Variants in WWP1 observed in about 807,000 individuals in gnomAD.
WWP1 encodes the protein NEDD4-like E3 ubiquitin-protein ligase WWP1.
In WWP1, 49 loss-of-function variants were observed where a neutral mutation model predicts 130.6. That is an observed-to-expected ratio of 0.38 (90% CI 0.30 to 0.48). The LOEUF (loss-of-function observed/expected upper bound fraction) is 0.48. Among genes scored for constraint, WWP1 ranks in the 20% least tolerant of loss-of-function variants. The pLI, the probability that WWP1 is intolerant of heterozygous loss-of-function variation, is 0.99. For missense variants in WWP1, 809 were observed against 1,100.6 expected (o/e 0.74, Z 3.75); for synonymous variants, 332 against 367.8 (o/e 0.90, Z 1.11).
Position 86,393,314 on chromosome 8 carries a change from C to A in WWP1, c.335-5028C>A, listed in dbSNP as rs571760198. Among the ~76,000 whole-genome samples the A allele has an allele frequency of 3.7e-3, 568 of 152,208 alleles. 3 individuals carry two copies. The highest frequency in any genetic ancestry group is 6.7e-3 in the Non-Finnish European group (454 of 68,022). On this transcript the variant is annotated intron_variant, in intron 5 of 24. Transcript: ENST00000517970. ...CTCCATCTCCCGGGTTGAAGCGATTCTCCTTGCCTCAACCTCCCCTCAAGG... is the reference window on the plus strand; with the variant it reads ...CTCCATCTCCCGGGTTGAAGCGATTATCCTTGCCTCAACCTCCCCTCAAGG...
intron 2 of WWP1, among the ~76,000 whole-genome samples, chr8:86,373,232 G>A (rs530889379): frequency 3.1e-4 from 47 of 151,960 alleles, no homozygotes; most frequent in Admixed American, 7.2e-4. Flanking sequence ...TTGAAATTTA[G>A]TGAGATTTTC....
At chr8:86,393,014 G>A (rs1807443482) in intron 5 of WWP1, among the ~76,000 whole-genome samples, 1 of 152,064 alleles carries the variant, frequency 6.6e-6, no homozygotes, top group Non-Finnish European at 1.5e-5. Context: ...AAAATGAGAA[G>A]TTTTATTATC....
intron 8 of WWP1, among the ~76,000 whole-genome samples, chr8:86,409,150 A>T (rs1160422922): frequency 6.6e-6 from 1 of 151,754 alleles, no homozygotes; most frequent in African/African-American, 2.4e-5. Flanking sequence ...AAATATAATC[A>T]ATACTGAATT....
In WWP1 at chr8:86,451,397, C is replaced by T. The variant is rs186084266; in HGVS notation, c.2274-1162C>T. On this transcript the variant is annotated intron_variant, in intron 20 of 24. Transcript: ENST00000517970. ...CAGTGATAGCTAGGTTTAAAATTAC[C>T]TTGGTTTACAATTTGGTTGAATAGA... Among the ~76,000 whole-genome samples the T allele has an allele frequency of 1.5e-3, 231 of 152,052 alleles. 2 individuals carry two copies. The highest frequency in any genetic ancestry group is 1.0e-4 in the Non-Finnish European group (7 of 68,006).
chr8:86,442,258 A>C (rs1810632667), intron 17 of WWP1: 1 of 157,644 alleles, frequency 6.3e-6, no homozygotes, highest in Non-Finnish European at 1.4e-5. Flanking sequence ...GTTACAACAG[A>C]GTATTCAGTG....
At chr8:86,460,470 A>G (rs950295492) in intron 22 of WWP1, among the ~76,000 whole-genome samples, 3 of 152,144 alleles carry the variant, frequency 2.0e-5, no homozygotes, top group Non-Finnish European at 4.4e-5. Flanking sequence ...TAATGATTCT[A>G]CCTATCTCAT....
chr8:86,388,996 T>G (rs1289935562), intron 5 of WWP1, among the ~76,000 whole-genome samples: 1 of 152,198 alleles, frequency 6.6e-6, no homozygotes, highest in Non-Finnish European at 1.5e-5. Context: ...TCCAAGAAGT[T>G]GCATATTTTA....
At chr8:86,433,901 A>T (rs1189763003) in intron 14 of WWP1, among the ~76,000 whole-genome samples, 4 of 152,096 alleles carry the variant, frequency 2.6e-5, no homozygotes, top group Non-Finnish European at 4.4e-5. Flanking sequence ...CTAGGCAACA[A>T]GAGCGAAACT....
chr8:86,451,366 C>A (rs6988601), intron 20 of WWP1, among the ~76,000 whole-genome samples: 103,804 of 151,676 alleles, frequency 0.68, 37,021 homozygotes, highest in African/African-American at 0.89. Flanking sequence ...GCTATAGTGG[C>A]GCCTACAGTG....
Position 86,425,305 on chromosome 8 carries a change from C to A in WWP1, c.1144C>A (p.Pro382Thr). 1 of 1,612,344 alleles carries A rather than the reference C, an allele frequency of 6.2e-7. No individual in the cohort carries two copies. Among genetic ancestry groups the A allele is most frequent in the Middle Eastern group, 1.7e-4 (1 of 6,044 alleles). ...TRTTTWERPQ[P>T]LPPGWERRVD... is the part of the protein sequence containing the mutation. ...AACTACCACATGGGAGAGACCACAA[C>A]CTTTACCTCCAGGGTAATATAGCAC... The change falls in exon 10 of 25, where the codon CCT (proline) becomes ACT (threonine). Residue 382 changes from proline to threonine, a missense_variant. By Grantham distance (38) the Pro-to-Thr change is conservative. Around this residue, in one of 3 missense-constraint regions of WWP1, gnomAD observed 450 missense variants for 674.2 expected, o/e 0.67. Coordinates refer to ENST00000517970, the MANE Select transcript of WWP1 (RefSeq NM_007013.4).
At chr8:86,392,557 G>T (rs961888934) in intron 5 of WWP1, among the ~76,000 whole-genome samples, 4 of 152,150 alleles carry the variant, frequency 2.6e-5, no homozygotes, top group Non-Finnish European at 4.4e-5. Flanking sequence ...TGTCCAAAAT[G>T]ATTTATAATG....
chr8:86,381,460 A>G, intron 4 of WWP1, 45 bp from the exon 5 acceptor site: 1 of 1,559,048 alleles, frequency 6.4e-7, no homozygotes, highest in Non-Finnish European at 8.6e-7. Context: ...TAATAGAATG[A>G]CAACGTCTAC....
intron 10 of WWP1, among the ~76,000 whole-genome samples, 169 bp from the exon 11 acceptor site, chr8:86,427,474 T>C (rs377387565): frequency 1.2e-4 from 18 of 152,144 alleles, no homozygotes; most frequent in African/African-American, 4.3e-4. Flanking sequence ...AAAAAGATAT[T>C]AGTGGTAGAA....
chr8:86,395,135 G>A (rs1807585339), intron 5 of WWP1, among the ~76,000 whole-genome samples: 2 of 152,058 alleles, frequency 1.3e-5, no homozygotes, highest in African/African-American at 2.4e-5. Context: ...GTAAAATTAG[G>A]ACGTATCATC....
Position 86,380,897 on chromosome 8 carries a change from C to T in WWP1, c.209+33C>T, listed in dbSNP as rs747711963. Reference sequence around the variant, plus strand: ...CCTTGTGTAAAGGACGGAAAATCTTCACAAGAAAGTGTATTTTTTGGAATA... The same window carrying T: ...CCTTGTGTAAAGGACGGAAAATCTTTACAAGAAAGTGTATTTTTTGGAATA... On this transcript the variant is annotated intron_variant, in intron 4 of 24. Transcript: ENST00000517970. 1.9e-6 allele frequency: 3 copies of T among 1,543,668 alleles called. No individual in the cohort carries two copies. In the East Asian group the frequency reaches 7.1e-5, roughly 36 times the overall value.
At chr8:86,361,438 C>A (rs1823589777) in intron 1 of WWP1, among the ~76,000 whole-genome samples, 1 of 152,130 alleles carries the variant, frequency 6.6e-6, no homozygotes, top group Non-Finnish European at 1.5e-5. Context: ...ACAACACTGT[C>A]AAAGGGGTTT....
chr8:86,395,467 C>T (rs1418533844), intron 5 of WWP1, among the ~76,000 whole-genome samples: 3 of 145,934 alleles, frequency 2.1e-5, no homozygotes, highest in African/African-American at 4.9e-5. Context: ...AACATGAGTC[C>T]ACAGATTCAT....
rs1386778158 is a variant in WWP1, at chr8:86,356,233, T to TA, written c.-114-12705dup. On this transcript the variant is annotated intron_variant, in intron 1 of 24. Transcript: ENST00000517970. ...CCTAAGTGTATGAAGTCTTGGGCTT[T>TA]ATCATCTTACCTTTCTGCCTAGCAA... 2.0e-5 allele frequency among the ~76,000 whole-genome samples: 3 copies of TA among 152,274 alleles called. No individual in the cohort carries two copies. In the East Asian group the frequency reaches 5.8e-4, roughly 29 times the overall value.
intron 1 of WWP1, among the ~76,000 whole-genome samples, chr8:86,349,208 G>T (rs1405425197): frequency 1.3e-5 from 2 of 152,050 alleles, no homozygotes; most frequent in African/African-American, 4.8e-5. Context: ...TAGTAGAGAT[G>T]GGGTTTCACC....
Sources: allele counts gnomAD v4.1 joint callset (sites outside exome capture counted in the v4.1 genomes callset), GRCh38; gene constraint gnomAD v4.1.1; regional missense constraint gnomAD v4.1.1; transcripts MANE v1.5; gene names NCBI Gene and HGNC (gene_info 2026-07-23, HGNC 2026-07-21).